METTL6: variants seen among roughly 807,000 people sequenced by gnomAD.
METTL6 encodes methyltransferase 6, tRNA N3-cytidine.
A neutral mutation model predicts 26.4 loss-of-function variants in METTL6; 22 were observed. The ratio of observed to expected loss-of-function variants is 0.83; its 90% confidence interval spans 0.59 to 1.19. The LOEUF (loss-of-function observed/expected upper bound fraction) is 1.19, where lower values mean the gene tolerates loss of function less well. METTL6 is among the 50% of genes most tolerant of loss of function. The pLI is 0.00. For missense variants in METTL6, 304 were observed against 324.8 expected (o/e 0.94, Z 0.49); for synonymous variants, 109 against 116.2 (o/e 0.94, Z 0.40).
chr3:15,401,906 T>G (rs1167291517), intron 6 of METTL6, among the ~76,000 whole-genome samples: 2 of 152,240 alleles, frequency 1.3e-5, no homozygotes. Context: ...GGGCAGCCCA[T>G]GCCACTACTG....
At chr3:15,385,687 C>T (rs778599127) in intron 6 of METTL6, among the ~76,000 whole-genome samples, 1 of 152,130 alleles carries the variant, frequency 6.6e-6, no homozygotes. Flanking sequence ...TAACAAGACC[C>T]TGTCTCCAAA....
chr3:15,408,323 T>C (rs188688330), downstream of METTL6, among the ~76,000 whole-genome samples: 3 of 152,224 alleles, frequency 2.0e-5, no homozygotes, highest in East Asian at 5.8e-4. Flanking sequence ...ATTTGTGCAC[T>C]TTTCTGTATG....
intron 6 of METTL6, among the ~76,000 whole-genome samples, chr3:15,389,134 G>A (rs534012226): frequency 6.6e-5 from 10 of 151,118 alleles, no homozygotes; most frequent in African/African-American, 2.2e-4. Flanking sequence ...GGGATTACAC[G>A]CATGAGGCAC....
At position 15,388,486 on chromosome 3, in the gene METTL6, CAG is replaced by C. The variant is rs1364721665; in HGVS notation, c.*12-4301_*12-4300del. ...AACCAGGAGTGCTGATTGATCAGGT[CAG>C]AGATAAAATCATAAGAAGCTGAAGC... On this transcript the variant is annotated intron_variant, in intron 6 of 6. Transcript: ENST00000443029. 3.3e-5 allele frequency among the ~76,000 whole-genome samples: 5 copies of C among 152,052 alleles called. No individual in the cohort carries two copies. In the East Asian group the frequency reaches 9.6e-4, roughly 29 times the overall value.
intron 2 of METTL6, among the ~76,000 whole-genome samples, chr3:15,425,752 A>G (rs150188033): frequency 6.6e-6 from 1 of 152,142 alleles, no homozygotes; most frequent in African/African-American, 2.4e-5. Flanking sequence ...CAACTATCAG[A>G]TCAGCTTAAA....
chr3:15,391,432 G>T (rs58888248), intron 6 of METTL6, among the ~76,000 whole-genome samples: 1 of 151,830 alleles, frequency 6.6e-6, no homozygotes, highest in Non-Finnish European at 1.5e-5. Flanking sequence ...GCACATTTTT[G>T]TGCTCCACTC....
At chr3:15,397,460 C>T (rs1056467222) in intron 6 of METTL6, among the ~76,000 whole-genome samples, 6 of 152,154 alleles carry the variant, frequency 3.9e-5, no homozygotes, top group Non-Finnish European at 7.4e-5. Flanking sequence ...CACCCTGCTT[C>T]GGCTCGGGCT....
At chr3:15,401,977 C>T (rs1447365532) in intron 6 of METTL6, among the ~76,000 whole-genome samples, 1 of 152,206 alleles carries the variant, frequency 6.6e-6, no homozygotes, top group Non-Finnish European at 1.5e-5. Flanking sequence ...CTTGCTTTCA[C>T]TTTACTCTAT....
At chr3:15,426,219 A>G in intron 2 of METTL6, 68 bp downstream of exon 2, 1 of 1,488,418 alleles carries the variant, frequency 6.7e-7, no homozygotes, top group Non-Finnish European at 9.3e-7. Flanking sequence ...GATTACAGGC[A>G]TGAGCCATGG....
At chr3:15,423,248 T>C (rs1199165738) in intron 3 of METTL6, among the ~76,000 whole-genome samples, 3 of 151,838 alleles carry the variant, frequency 2.0e-5, no homozygotes, top group African/African-American at 7.3e-5. Context: ...ATACAAAAAT[T>C]AGCCAGGAGT....
rs117785321 is a variant in METTL6 at position 15,389,907 on chromosome 3, G to C, written c.*12-5720C>G. 2.9e-3 allele frequency among the ~76,000 whole-genome samples: 431 copies of C among 147,866 alleles called. 1 individual carries two copies. The highest frequency in any genetic ancestry group is 0.016 in the East Asian group (80 of 5,064). Reference sequence around the variant, plus strand: ...ATCTTACTCTGTCACCCAGGCTAGAGAGCAGTGAAATTATAGCTCAGTGCA... The same window carrying C: ...ATCTTACTCTGTCACCCAGGCTAGACAGCAGTGAAATTATAGCTCAGTGCA... On this transcript the variant is annotated intron_variant, in intron 6 of 6. Coordinates refer to the METTL6 transcript ENST00000443029.
At chr3:15,391,363 A>T (rs1699339949) in intron 6 of METTL6, among the ~76,000 whole-genome samples, 1 of 151,920 alleles carries the variant, frequency 6.6e-6, no homozygotes, top group Non-Finnish European at 1.5e-5. Context: ...GCAGCGGGGG[A>T]GATGTGATCT....
At chr3:15,413,666 C>T in intron 5 of METTL6, 2 of 1,206,826 alleles carry the variant, frequency 1.7e-6, no homozygotes, top group Middle Eastern at 3.7e-4. Context: ...AATCTCAAGG[C>T]ATTATACTGT....
In METTL6 at chr3:15,410,138, A is replaced by G. The variant is rs550497392; in HGVS notation, c.*1118T>C. The stretch of plus-strand genomic sequence containing the variant: ...CTTGAAATTTTATTTACATGTCTCT[A>G]ACACACACACATACACTTCCTATTT... On this transcript the variant is annotated 3_prime_UTR_variant, in exon 6 of 6. Transcript: ENST00000383790. Among the ~76,000 whole-genome samples, 11 of 152,220 alleles carry G rather than the reference A, an allele frequency of 7.2e-5. No homozygotes were observed. The highest frequency in any genetic ancestry group is 3.3e-4 in the Admixed American group (5 of 15,296).
chr3:15,389,613 A>C (rs1699289005), intron 6 of METTL6, among the ~76,000 whole-genome samples: 1 of 152,042 alleles, frequency 6.6e-6, no homozygotes. Flanking sequence ...GCAATGGCGC[A>C]ATCTCGGCTC....
chr3:15,411,498 C>G, intron 5 of METTL6, 61 bp from the exon 6 acceptor site: 1 of 1,507,782 alleles, frequency 6.6e-7, no homozygotes. Context: ...GCTTTGCAGT[C>G]CTTGAGGAGG....
At chr3:15,403,698 G>A (rs1487375068) in intron 6 of METTL6, among the ~76,000 whole-genome samples, 2 of 152,150 alleles carry the variant, frequency 1.3e-5, no homozygotes, top group Non-Finnish European at 2.9e-5. Context: ...CCCCAAGAGA[G>A]GGTTCTTGGA....
chr3:15,415,617 T>C lies in METTL6; in HGVS notation c.531+155A>G, dbSNP rs759254027. Reference sequence around the variant, plus strand: ...ATCAGAATTTAGGGTGGATGTTTTATGCCAGAGGACCCCTTTCTATACACT... The same window carrying C: ...ATCAGAATTTAGGGTGGATGTTTTACGCCAGAGGACCCCTTTCTATACACT... On this transcript the variant is annotated intron_variant, in intron 4 of 5. Coordinates refer to ENST00000383790, the MANE Select transcript of METTL6 (RefSeq NM_152396.4). 5.0e-6 allele frequency: 8 copies of C among 1,609,794 alleles called. No homozygotes were observed. The East Asian group carries it at 8.9e-5, about 18-fold the overall frequency.
intron 2 of METTL6, among the ~76,000 whole-genome samples, chr3:15,425,945 AT>A (rs947194046): frequency 2.6e-5 from 4 of 151,040 alleles, no homozygotes; most frequent in Admixed American, 6.6e-5. Context: ...ACCTCTTCAC[AT>A]TTTTTTTTCT....
Sources: gnomAD v4.1 joint callset for allele counts (sites outside exome capture counted in the v4.1 genomes callset) on GRCh38, gnomAD v4.1.1 for gene constraint, MANE v1.5 for transcripts, NCBI Gene and HGNC (gene_info 2026-07-23, HGNC 2026-07-21) for gene names.